Variants in FAM174B observed in about 807,000 individuals in gnomAD.
FAM174B encodes membrane protein FAM174B.
Under a neutral mutation model 10.9 loss-of-function variants are expected in FAM174B, and 12 were observed. That is an observed-to-expected ratio of 1.10 (90% CI 0.71 to 1.79). The LOEUF (loss-of-function observed/expected upper bound fraction) is 1.79. Among genes scored for constraint, FAM174B ranks in the 40% most tolerant of loss-of-function variants. FAM174B has a pLI of 0.00. For missense variants in FAM174B, 266 were observed against 233.3 expected, an observed-to-expected ratio of 1.14 and a Z score of -0.91; for synonymous variants, 132 against 115.8, an observed-to-expected ratio of 1.14 and a Z score of -0.90.
chr15:92,631,015 T>C (rs2050795031), intron 1 of FAM174B, among the ~76,000 whole-genome samples: 3 of 14,496 alleles, frequency 2.1e-4, no homozygotes, highest in South Asian at 2.9e-3. Flanking sequence ...ACATATTATA[T>C]ATTATATATT....
At chr15:92,652,824 G>A (rs1723283664) in intron 1 of FAM174B, among the ~76,000 whole-genome samples, 1 of 151,978 alleles carries the variant, frequency 6.6e-6, no homozygotes. Context: ...AAAGGAAGGA[G>A]GGCCCCCAGC....
intron 1 of FAM174B, among the ~76,000 whole-genome samples, chr15:92,631,438 T>TTA (rs1294863903): frequency 1.4e-5 from 1 of 69,868 alleles, no homozygotes; most frequent in African/African-American, 7.6e-5. Context: ...ATATAATATA[T>TTA]TATATATATA....
Position 92,617,767 on chromosome 15 carries a change from G to C in FAM174B, c.*1689C>G, listed in dbSNP as rs1413815137. The C allele has an allele frequency of 1.8e-6, 1 of 562,420 alleles. No homozygotes were observed. Among genetic ancestry groups the C allele is most frequent in the Non-Finnish European group, 3.1e-6 (1 of 318,388 alleles). 34.8% of individuals were successfully genotyped at this position (562,420 alleles called of 1,614,324 possible). A position where few individuals can be genotyped will look rare whatever the true frequency, so the allele number is the denominator to read the frequency against. ...GAGGAGAGATAAAGCAGCCACGGCT[G>C]TTCTGTTGCCAGTCCCACCCCTCTG... On this transcript the variant is annotated 3_prime_UTR_variant, in exon 3 of 3. Coordinates refer to ENST00000327355, the MANE Select transcript of FAM174B (RefSeq NM_207446.3).
In FAM174B at chr15:92,619,314, C is replaced by T. The variant is rs560608049; in HGVS notation, c.*142G>A. ...AGTCTGAGCAGATGCCTGACACGCA[C>T]GATGGAGCTGGGGTTTTATACATAA... is the stretch of plus-strand genomic sequence containing the variant. On this transcript the variant is annotated 3_prime_UTR_variant, in exon 3 of 3. Transcript: ENST00000327355. 2.2e-5 allele frequency: 20 copies of T among 889,340 alleles called. No homozygotes were observed. Among genetic ancestry groups the T allele is most frequent in the Middle Eastern group, 2.1e-4 (1 of 4,734 alleles). The allele number at this position is 889,340 out of a possible 1,614,324, so 55.1% of individuals were successfully genotyped here.
At chr15:92,654,799 A>AAAG (rs528819022) in intron 1 of FAM174B, among the ~76,000 whole-genome samples, 6,362 of 146,796 alleles carry the variant, frequency 0.043, 326 homozygotes, top group African/African-American at 0.13. Context: ...AAAAAAAAAA[A>AAAG]AAGAAGAAGA....
intron 1 of FAM174B, among the ~76,000 whole-genome samples, chr15:92,646,722 G>T (rs1469222863): frequency 6.6e-6 from 1 of 152,146 alleles, no homozygotes; most frequent in Non-Finnish European, 1.5e-5. Flanking sequence ...TAAAACCTTG[G>T]TCTCCACACC....
chr15:92,638,746 G>T (rs1215751041), intron 1 of FAM174B, among the ~76,000 whole-genome samples: 1 of 152,126 alleles, frequency 6.6e-6, no homozygotes, highest in Non-Finnish European at 1.5e-5. Flanking sequence ...TACTCCAGGG[G>T]GCCACAGGCT....
At chr15:92,651,752 C>T (rs1567051267) in intron 1 of FAM174B, among the ~76,000 whole-genome samples, 1 of 152,204 alleles carries the variant, frequency 6.6e-6, no homozygotes, top group Non-Finnish European at 1.5e-5. Context: ...TGCATCTTGG[C>T]TTTCTCTTCT....
At chr15:92,625,052 A>G (rs780670303) in intron 2 of FAM174B, among the ~76,000 whole-genome samples, 3 of 152,194 alleles carry the variant, frequency 2.0e-5, no homozygotes, top group Non-Finnish European at 4.4e-5. Flanking sequence ...AACCATTTCA[A>G]AACCCCAGGG....
intron 2 of FAM174B, among the ~76,000 whole-genome samples, chr15:92,626,054 A>G (rs2050750209): frequency 6.6e-6 from 1 of 152,234 alleles, no homozygotes. Context: ...TCTACACAGA[A>G]AACCCAAAGA....
chr15:92,646,683 C>T (rs1184334923), intron 1 of FAM174B, among the ~76,000 whole-genome samples: 1 of 152,254 alleles, frequency 6.6e-6, no homozygotes, highest in East Asian at 1.9e-4. Context: ...CTCTCCAAAG[C>T]CTGCCACCTG....
intron 1 of FAM174B, chr15:92,645,743 G>A (rs1000592886): frequency 6.6e-6 from 1 of 152,242 alleles, no homozygotes. Context: ...TGGACCCAGG[G>A]GACCTGACCA....
At chr15:92,626,548 A>C (rs11074085) in intron 2 of FAM174B, among the ~76,000 whole-genome samples, 20,807 of 152,206 alleles carry the variant, frequency 0.14, 1,801 homozygotes, top group East Asian at 0.23. Context: ...CTGTCCCCAG[A>C]ATGACAGCAG....
chr15:92,643,402 T>G (rs979558191), intron 1 of FAM174B, among the ~76,000 whole-genome samples: 9 of 135,754 alleles, frequency 6.6e-5, no homozygotes, highest in Admixed American at 4.5e-4. Flanking sequence ...TACACTCACT[T>G]GCTTCTATAT....
Position 92,617,904 on chromosome 15 carries a change from G to T in FAM174B, c.*1552C>A, listed in dbSNP as rs180984172. The stretch of plus-strand genomic sequence containing the variant: ...CTGGCAATACCATGCGTGCTGGGCC[G>T]GCTGCGCCACCCTCACCCAGGGCTT... On this transcript the variant is annotated 3_prime_UTR_variant, in exon 3 of 3. Transcript: ENST00000327355. The T allele has an allele frequency of 1.9e-5, 8 of 420,340 alleles. No homozygotes were observed. In the East Asian group the frequency reaches 2.5e-4, roughly 13 times the overall value. The allele number at this position is 420,340 out of a possible 1,614,324, so 26.0% of individuals were successfully genotyped here.
At chr15:92,653,991 A>G (rs1305921103) in intron 1 of FAM174B, among the ~76,000 whole-genome samples, 2 of 152,208 alleles carry the variant, frequency 1.3e-5, no homozygotes, top group African/African-American at 4.8e-5. Flanking sequence ...AGAAGACAGG[A>G]GCATTTCAAC....
intron 2 of FAM174B, chr15:92,619,666 TCCCTCCCCC>T: frequency 1.6e-6 from 1 of 610,082 alleles, no homozygotes; most frequent in Non-Finnish European, 2.9e-6. Flanking sequence ...CAACTAAGGA[TCCCTCCCCC>T]AGCTCCCCAC....
intron 1 of FAM174B, among the ~76,000 whole-genome samples, chr15:92,640,288 A>G (rs972059510): frequency 3.9e-5 from 6 of 152,182 alleles, no homozygotes; most frequent in African/African-American, 1.4e-4. Flanking sequence ...GCAGTGGCTC[A>G]CACTTGTAAT....
chr15:92,655,452 AGCTGG>A lies in FAM174B; in HGVS notation c.203_207del (p.Ser68PhefsTer58), dbSNP rs2141968381. 1.1e-3 allele frequency: 3 copies of A among 2,832 alleles called. No homozygotes were observed. Among genetic ancestry groups the A allele is most frequent in the Admixed American group, 0.038 (2 of 52 alleles). The allele number at this position is 2,832 out of a possible 1,614,324, so 0.2% of individuals were successfully genotyped here. ...ACCAAGGCGTCGCCACTGCTGTTGG[AGCTGG>A]AGCTGCCGCTGCCGCCCGCCGCCCC... On this transcript the variant is annotated frameshift_variant, in exon 1 of 3. Transcript: ENST00000327355. LOFTEE classifies it high-confidence loss of function.
Sources: gnomAD v4.1 joint callset for allele counts (sites outside exome capture counted in the v4.1 genomes callset) on GRCh38, gnomAD v4.1.1 for gene constraint, MANE v1.5 for transcripts, NCBI Gene and HGNC (gene_info 2026-07-23, HGNC 2026-07-21) for gene names.